The following GABRB2 variants were observed in gnomAD, a reference collection of about 807,000 sequenced individuals.
GABRB2 encodes gamma-aminobutyric acid receptor subunit beta-2.
Under a neutral mutation model 54.7 loss-of-function variants are expected in GABRB2, and 16 were observed. That is an observed-to-expected ratio of 0.29 (90% CI 0.20 to 0.44). The LOEUF is 0.44. Among genes scored for constraint, GABRB2 ranks in the 20% least tolerant of loss-of-function variants. GABRB2 has a pLI of 1.00. For synonymous variants in GABRB2, 244 were observed against 233.8 expected (o/e 1.04, Z -0.40); for missense variants, 355 against 644.0 (o/e 0.55, Z 4.86).
At chr5:161,546,246 A>T in intron 2 of GABRB2, 76 bp downstream of exon 2, 2 of 1,148,510 alleles carry the variant, frequency 1.7e-6, no homozygotes, top group Non-Finnish European at 1.3e-6. Flanking sequence ...AACTAGGGAG[A>T]GGGAAGAGAG....
At chr5:161,299,808 TC>T (rs1448995350) in intron 9 of GABRB2, among the ~76,000 whole-genome samples, 8 of 152,172 alleles carry the variant, frequency 5.3e-5, no homozygotes, top group Admixed American at 4.6e-4. Context: ...CATTTAAAGA[TC>T]TCAACAACTC....
intron 3 of GABRB2, among the ~76,000 whole-genome samples, chr5:161,537,724 G>T (rs545563275): frequency 7.6e-4 from 115 of 152,204 alleles, no homozygotes; most frequent in Non-Finnish European, 1.5e-3. Context: ...ATCTGTTCAT[G>T]CAATTCTATT....
intron 9 of GABRB2, among the ~76,000 whole-genome samples, chr5:161,310,486 TTCTC>T (rs199982232): frequency 2.0e-5 from 3 of 152,000 alleles, no homozygotes; most frequent in Non-Finnish European, 4.4e-5. Context: ...GCTTGCTTGT[TTCTC>T]TCTCTCTCTT....
intron 3 of GABRB2, among the ~76,000 whole-genome samples, chr5:161,476,432 T>C (rs1340392331): frequency 6.6e-6 from 1 of 151,830 alleles, no homozygotes; most frequent in Non-Finnish European, 1.5e-5. Flanking sequence ...ATTTTCAAAA[T>C]AGAAAACTGT....
chr5:161,391,293 A>C (rs1307710289), intron 5 of GABRB2, among the ~76,000 whole-genome samples: 1 of 152,212 alleles, frequency 6.6e-6, no homozygotes, highest in Non-Finnish European at 1.5e-5. Flanking sequence ...TTTGTTAAGC[A>C]GGAGCATATG....
chr5:161,520,649 G>A (rs1465329332), intron 3 of GABRB2, among the ~76,000 whole-genome samples: 3 of 151,872 alleles, frequency 2.0e-5, no homozygotes, highest in East Asian at 1.9e-4. Context: ...GCCTAAATTC[G>A]CAAGCGTTTA....
intron 3 of GABRB2, among the ~76,000 whole-genome samples, chr5:161,524,629 G>A (rs537881025): frequency 2.0e-5 from 3 of 151,196 alleles, no homozygotes; most frequent in Admixed American, 6.6e-5. Flanking sequence ...AAGTTTTAAC[G>A]CAATCCTAGT....
At chr5:161,375,175 T>C (rs1408029921) in intron 5 of GABRB2, among the ~76,000 whole-genome samples, 1 of 152,178 alleles carries the variant, frequency 6.6e-6, no homozygotes, top group Non-Finnish European at 1.5e-5. Flanking sequence ...ACAGTAAGCA[T>C]TCAATGACTA....
chr5:161,544,585 T>C (rs1412423381), intron 3 of GABRB2, among the ~76,000 whole-genome samples: 1 of 152,212 alleles, frequency 6.6e-6, no homozygotes, highest in African/African-American at 2.4e-5. Flanking sequence ...CAATTAACTG[T>C]ACAAGCTTAG....
intron 5 of GABRB2, among the ~76,000 whole-genome samples, chr5:161,401,117 A>C (rs1321396511): frequency 2.6e-5 from 4 of 152,152 alleles, no homozygotes; most frequent in Admixed American, 6.5e-5. Flanking sequence ...CTAGGCCAGC[A>C]GTTATTATGG....
At chr5:161,437,791 TA>T (rs372065154) in intron 4 of GABRB2, among the ~76,000 whole-genome samples, 23 of 151,844 alleles carry the variant, frequency 1.5e-4, no homozygotes, top group African/African-American at 5.3e-4. Flanking sequence ...GTGGTGTGGG[TA>T]AGGGTGAGGC....
intron 5 of GABRB2, among the ~76,000 whole-genome samples, chr5:161,338,776 A>T (rs1255533916): frequency 1.3e-5 from 2 of 152,108 alleles, no homozygotes; most frequent in African/African-American, 4.8e-5. Flanking sequence ...ACAGAGCTAG[A>T]CTCTGCCTCT....
At chr5:161,486,441 G>A (rs1385813563) in intron 3 of GABRB2, among the ~76,000 whole-genome samples, 2 of 151,858 alleles carry the variant, frequency 1.3e-5, no homozygotes, top group Non-Finnish European at 2.9e-5. Context: ...GCACTGTAAG[G>A]CACGTTGTCA....
chr5:161,509,105 C>T (rs1289065642), intron 3 of GABRB2, among the ~76,000 whole-genome samples: 2 of 151,830 alleles, frequency 1.3e-5, no homozygotes, highest in South Asian at 4.1e-4. Flanking sequence ...TTCATTCATT[C>T]TGAATTAGCC....
rs566761290 is a variant in GABRB2, at chr5:161,292,151, G to T, written c.*1930C>A. On this transcript the variant is annotated 3_prime_UTR_variant, in exon 10 of 10. Transcript: ENST00000393959. ...CAAATTCAGAAAGCTGAAGGATAAA[G>T]GTTTGTTGTTGTTCTTGGACAGCTG... 6.6e-6 allele frequency: 1 copy of T among 152,270 alleles called. No homozygotes were observed. Among genetic ancestry groups the T allele is most frequent in the South Asian group, 2.1e-4 (1 of 4,824 alleles). 9.4% of individuals were successfully genotyped at this position (152,270 alleles called of 1,614,324 possible). A position where few individuals can be genotyped will look rare whatever the true frequency, so the allele number is the denominator to read the frequency against.
chr5:161,506,941 T>C (rs1759624771), intron 3 of GABRB2, among the ~76,000 whole-genome samples: 1 of 152,176 alleles, frequency 6.6e-6, no homozygotes, highest in Non-Finnish European at 1.5e-5. Context: ...TTCAAACTTC[T>C]TGAAGGAGCC....
chr5:161,456,246 A>G (rs1345686503), intron 4 of GABRB2, among the ~76,000 whole-genome samples: 1 of 152,162 alleles, frequency 6.6e-6, no homozygotes, highest in Non-Finnish European at 1.5e-5. Flanking sequence ...AAATTTTGCC[A>G]CTGCCAAATT....
At chr5:161,374,885 T>C (rs1755243217) in intron 5 of GABRB2, among the ~76,000 whole-genome samples, 1 of 152,156 alleles carries the variant, frequency 6.6e-6, no homozygotes, top group Non-Finnish European at 1.5e-5. Flanking sequence ...TAATTGCTTA[T>C]ATTCAGCTTA....
At chr5:161,518,944 A>G (rs1233786239) in intron 3 of GABRB2, among the ~76,000 whole-genome samples, 10 of 152,238 alleles carry the variant, frequency 6.6e-5, no homozygotes, top group Non-Finnish European at 1.3e-4. Flanking sequence ...CACTGTAGAC[A>G]GCAGTAGTGA....
Sources: allele counts gnomAD v4.1 joint callset (sites outside exome capture counted in the v4.1 genomes callset), GRCh38; gene constraint gnomAD v4.1.1; transcripts MANE v1.5; gene names NCBI Gene and HGNC (gene_info 2026-07-23, HGNC 2026-07-21).